RRAD: variants seen among roughly 807,000 people sequenced by gnomAD.
RRAD encodes the protein GTP-binding protein RAD.
RRAD carries 15 observed loss-of-function variants against 24.7 expected under a neutral mutation model. The observed-to-expected ratio is 0.61, with a 90% CI of 0.41 to 0.93. The LOEUF (loss-of-function observed/expected upper bound fraction) is 0.93, where lower values mean the gene tolerates loss of function less well. RRAD is among the 40% of genes least tolerant of loss of function. RRAD has a pLI of 0.00. For missense variants in RRAD, 438 were observed against 452.2 expected (o/e 0.97, Z 0.29); for synonymous variants, 180 against 189.8 (o/e 0.95, Z 0.43).
intron 4 of RRAD, 139 bp from the exon 5 acceptor site, chr16:66,922,492 T>A: frequency 1.2e-6 from 1 of 843,472 alleles, no homozygotes; most frequent in Non-Finnish European, 1.8e-6. Context: ...CCCCAGCTCC[T>A]GTACTGAGGG....
In RRAD at chr16:66,923,518, T is replaced by C; in HGVS notation, c.647A>G (p.Asp216Gly). 6.2e-7 allele frequency: 1 copy of C among 1,600,318 alleles called. No individual in the cohort carries two copies. Among genetic ancestry groups the C allele is most frequent in the Non-Finnish European group, 8.5e-7 (1 of 1,176,738 alleles). ...DLVRSREVSV[D>G]EGRACAVVFD... ...CCTGCAACCTGCCGCCTACTCACCA[T>C]CCACCGAGACCTCACGAGAGCGCAC... Residue 216 changes from aspartate (D) to glycine (G), a missense_variant and splice_region_variant, in exon 4 of 5, where the codon GAT (aspartate) becomes GGT (glycine). By Grantham distance (94) the Asp-to-Gly change is moderately conservative. Transcript: ENST00000299759. This position sits in a 1 kb window ranked among gnomAD's most constrained non-coding sequence, Gnocchi z 4.9.
In RRAD at chr16:66,923,455, G is replaced by C; in HGVS notation, c.649+61C>G. The C allele has an allele frequency of 2.9e-6, 4 of 1,396,694 alleles. No homozygotes were observed. The highest frequency in any genetic ancestry group is 1.8e-5 in the Admixed American group (1 of 54,078). The allele number at this position is 1,396,694 out of a possible 1,614,324, so 86.5% of individuals were successfully genotyped here. Reference sequence around the variant, plus strand: ...TCCCCAGGGACTCAAGCTGAGCCAAGACTGCCTGGATCAGGGCCCAGCTGG... The same window carrying C: ...TCCCCAGGGACTCAAGCTGAGCCAACACTGCCTGGATCAGGGCCCAGCTGG... On this transcript the variant is annotated intron_variant, in intron 4 of 4. Coordinates refer to ENST00000299759, the MANE Select transcript of RRAD (RefSeq NM_004165.3). This position sits in a 1 kb window ranked among gnomAD's most constrained non-coding sequence, Gnocchi z 4.9.
In RRAD at chr16:66,925,114, G is replaced by A; in HGVS notation, c.66C>T (p.Arg22=). ...GGCCCCAGGGTGTGCTGCCCCGACGGCGCTCGCGCTCCTGGCCCCCACCGC... is the reference window on the plus strand; with the variant it reads ...GGCCCCAGGGTGTGCTGCCCCGACGACGCTCGCGCTCCTGGCCCCCACCGC... ...GSRGGGQERE[R]RRGSTPWGPA... Residue 22 remains arginine, a synonymous_variant, in exon 2 of 5, where the codon CGC becomes CGT. Coordinates refer to ENST00000299759, the MANE Select transcript of RRAD (RefSeq NM_004165.3). This position sits in a 1 kb window ranked among gnomAD's most constrained non-coding sequence, Gnocchi z 5.2. The A allele has an allele frequency of 8.1e-7, 1 of 1,227,856 alleles. No homozygotes were observed. The highest frequency in any genetic ancestry group is 4.1e-5 in the South Asian group (1 of 24,500). 76.1% of individuals were successfully genotyped at this position (1,227,856 alleles called of 1,614,324 possible).
At position 66,925,336 on chromosome 16, in the gene RRAD, C is replaced by T. The variant is rs1370132954; in HGVS notation, c.-16+73G>A. 2.7e-6 allele frequency: 2 copies of T among 729,166 alleles called. No homozygotes were observed. Among genetic ancestry groups the T allele is most frequent in the Non-Finnish European group, 1.9e-6 (1 of 538,296 alleles). 45.2% of individuals were successfully genotyped at this position (729,166 alleles called of 1,614,324 possible). On this transcript the variant is annotated intron_variant, in intron 1 of 4. Coordinates refer to ENST00000299759, the MANE Select transcript of RRAD (RefSeq NM_004165.3). This position sits in a 1 kb window ranked among gnomAD's most constrained non-coding sequence, Gnocchi z 5.2. ...CCCCCAGCCCCCAGGTCGCGGCGCCCTCACCCGGGACCCCTCCGGACCTGG... is the reference window on the plus strand; with the variant it reads ...CCCCCAGCCCCCAGGTCGCGGCGCCTTCACCCGGGACCCCTCCGGACCTGG...
chr16:66,922,831 C>T (rs1276236991), intron 4 of RRAD, among the ~76,000 whole-genome samples: 1 of 152,054 alleles, frequency 6.6e-6, no homozygotes, highest in Admixed American at 6.5e-5. Flanking sequence ...TACAGGCGCC[C>T]GCCACCACGC....
Position 66,923,465 on chromosome 16 carries a change from A to T in RRAD, c.649+51T>A, listed in dbSNP as rs1962945662. On this transcript the variant is annotated intron_variant, in intron 4 of 4. Transcript: ENST00000299759. The surrounding 1 kb of genome is among the most constrained non-coding windows in gnomAD (Gnocchi z 4.9). ...CTCAAGCTGAGCCAAGACTGCCTGG[A>T]TCAGGGCCCAGCTGGGCTCTCCCTC... The T allele has an allele frequency of 6.8e-7, 1 of 1,467,590 alleles. No homozygotes were observed. Among genetic ancestry groups the T allele is most frequent in the Admixed American group, 1.8e-5 (1 of 56,724 alleles). 90.9% of individuals were successfully genotyped at this position (1,467,590 alleles called of 1,614,324 possible).
At chr16:66,922,496 CT>C in intron 4 of RRAD, 143 bp from the exon 5 acceptor site, 1 of 807,906 alleles carries the variant, frequency 1.2e-6, no homozygotes, top group East Asian at 2.7e-5. Flanking sequence ...AGCTCCTGTA[CT>C]GAGGGTACTG....
At position 66,925,403 on chromosome 16, in the gene RRAD, A is replaced by T; in HGVS notation, c.-16+6T>A. 1 of 355,226 alleles carries T rather than the reference A, an allele frequency of 2.8e-6. No individual in the cohort carries two copies. Among genetic ancestry groups the T allele is most frequent in the Non-Finnish European group, 5.0e-6 (1 of 200,344 alleles). The allele number at this position is 355,226 out of a possible 1,614,324, so 22.0% of individuals were successfully genotyped here. ...CGCCCCGACCCCGCTCCGCCAGGAC[A>T]CTCACCCACTCGCACACAGACACGC... On this transcript the variant is annotated splice_donor_region_variant and intron_variant, in intron 1 of 4. Transcript: ENST00000299759. This position sits in a 1 kb window ranked among gnomAD's most constrained non-coding sequence, Gnocchi z 5.2.
rs368384610 is a variant in RRAD, at chr16:66,922,085, C to A, written c.918G>T (p.Ser306=). The part of the protein sequence containing the change: ...RAKSKSCHDL[S]VL The stretch of plus-strand genomic sequence containing the variant: ...TGGGAGCGGGTGGGACCTAGAGAAC[C>A]GAGAGGTCGTGGCAGGACTTGGATT... Residue 306 remains serine (S), a synonymous_variant, in exon 5 of 5, where the codon TCG becomes TCT. Transcript: ENST00000299759. 6.8e-6 allele frequency: 11 copies of A among 1,605,960 alleles called. No individual in the cohort carries two copies.
In RRAD at chr16:66,923,481, G is replaced by C; in HGVS notation, c.649+35C>G. On this transcript the variant is annotated intron_variant, in intron 4 of 4. Coordinates refer to ENST00000299759, the MANE Select transcript of RRAD (RefSeq NM_004165.3). This position sits in a 1 kb window ranked among gnomAD's most constrained non-coding sequence, Gnocchi z 4.9. ...ACTGCCTGGATCAGGGCCCAGCTGG[G>C]CTCTCCCTCCCCCTGCAACCTGCCG... 6.4e-7 allele frequency: 1 copy of C among 1,556,016 alleles called. No homozygotes were observed. The highest frequency in any genetic ancestry group is 8.7e-7 in the Non-Finnish European group (1 of 1,144,210).
chr16:66,925,299 C>T lies in RRAD; in HGVS notation c.-15-105G>A. The stretch of plus-strand genomic sequence containing the variant: ...AGGCGGGATGCTCCGGCCGAGGTCC[C>T]GCCGCAGCCCTCCCCCAGCCCCCAG... On this transcript the variant is annotated intron_variant, in intron 1 of 4. Coordinates refer to ENST00000299759, the MANE Select transcript of RRAD (RefSeq NM_004165.3). This position sits in a 1 kb window ranked among gnomAD's most constrained non-coding sequence, Gnocchi z 5.2. 9.9e-7 allele frequency: 1 copy of T among 1,010,604 alleles called. No individual in the cohort carries two copies. The highest frequency in any genetic ancestry group is 1.3e-6 in the Non-Finnish European group (1 of 796,828). 62.6% of individuals were successfully genotyped at this position (1,010,604 alleles called of 1,614,324 possible).
Position 66,923,957 on chromosome 16 carries a change from G to A in RRAD, c.371-38C>T. On this transcript the variant is annotated intron_variant, in intron 2 of 4. Transcript: ENST00000299759. The surrounding 1 kb of genome is among the most constrained non-coding windows in gnomAD (Gnocchi z 4.9). ...CCAGTAGACAGGTTACCAGCTGGTT[G>A]TCAAAGCCGCTGCTGCCAGGTTTCC... 2 of 1,555,418 alleles carry A rather than the reference G, an allele frequency of 1.3e-6. No individual in the cohort carries two copies. The highest frequency in any genetic ancestry group is 1.8e-6 in the Non-Finnish European group (2 of 1,126,434).
rs916447707 is a variant in RRAD at position 66,922,196 on chromosome 16, C to A, written c.807G>T (p.Arg269=). 20 of 1,614,124 alleles carry A rather than the reference C, an allele frequency of 1.2e-5. No individual in the cohort carries two copies. The highest frequency in any genetic ancestry group is 1.7e-5 in the Non-Finnish European group (20 of 1,180,038). Residue 269 remains arginine (R), a synonymous_variant, in exon 5 of 5, where the codon CGG becomes CGT. Transcript: ENST00000299759. The part of the protein sequence containing the change: ...EANARRQAGT[R]RRESLGKKAK... The stretch of plus-strand genomic sequence containing the variant: ...CCTTTTTGCCAAGGCTCTCTCGCCT[C>A]CGGGTGCCTGCTTGCCGTCGTGCGT...
Position 66,923,620 on chromosome 16 carries a change from T to C in RRAD, c.545A>G (p.Glu182Gly). 1.2e-6 allele frequency: 2 copies of C among 1,613,984 alleles called. No individual in the cohort carries two copies. The highest frequency in any genetic ancestry group is 1.7e-6 in the Non-Finnish European group (2 of 1,180,010). Residue 182 changes from glutamate (E) to glycine (G), a missense_variant, in exon 4 of 5, where the codon GAA becomes GGA. Transcript: ENST00000299759. The surrounding 1 kb of genome is among the most constrained non-coding windows in gnomAD (Gnocchi z 4.9). ...TDKGSFEKAS[E>G]LRVQLRRARQ... ...TGCACGCCGCAGCTGGACCCGCAGT[T>C]CTGAGGCCTTCTCGAAGCTGCCCTT...
chr16:66,922,325 G>A lies in RRAD; in HGVS notation c.678C>T (p.Asp226=). ...DEGRACAVVF[D]CKFIETSAAL... The stretch of plus-strand genomic sequence containing the variant: ...CCGCTGATGTCTCAATGAACTTGCA[G>A]TCAAAGACCACCGCGCAGGCCCGGC... The change falls in exon 5 of 5, where the codon GAC becomes GAT. Residue 226 remains aspartate, a synonymous_variant. Transcript: ENST00000299759. 1 of 1,603,344 alleles carries A rather than the reference G, an allele frequency of 6.2e-7. No homozygotes were observed. The highest frequency in any genetic ancestry group is 1.1e-5 in the South Asian group (1 of 90,942).
chr16:66,922,769 G>A (rs1381943483), intron 4 of RRAD, among the ~76,000 whole-genome samples: 5 of 152,208 alleles, frequency 3.3e-5, no homozygotes, highest in East Asian at 3.9e-4. Context: ...TGAAAGCTCC[G>A]CCTCCCGGGT....
chr16:66,921,755 C>T lies in RRAD; in HGVS notation c.*321G>A. 3.2e-6 allele frequency: 1 copy of T among 310,598 alleles called. No homozygotes were observed. The highest frequency in any genetic ancestry group is 5.5e-5 in the East Asian group (1 of 18,224). 19.2% of individuals were successfully genotyped at this position (310,598 alleles called of 1,614,324 possible). On this transcript the variant is annotated 3_prime_UTR_variant, in exon 5 of 5. Transcript: ENST00000299759. ...AGCTACCGCACTGAAGAGCCTCCCT[C>T]CAGGGCAGGCACACCCGGGCTGTGA...
In RRAD at chr16:66,923,814, T is replaced by C. The variant is rs1962952421; in HGVS notation, c.444+32A>G. ...ACCTCTAACCCAACTCACTCCTCCC[T>C]CCCCTGCCCTGGGTCTCTGCTTGCA... On this transcript the variant is annotated intron_variant, in intron 3 of 4. Transcript: ENST00000299759. The surrounding 1 kb of genome is among the most constrained non-coding windows in gnomAD (Gnocchi z 4.9). 1 of 1,609,542 alleles carries C rather than the reference T, an allele frequency of 6.2e-7. No homozygotes were observed. The highest frequency in any genetic ancestry group is 8.5e-7 in the Non-Finnish European group (1 of 1,176,016).
chr16:66,921,921 T>C lies in RRAD; in HGVS notation c.*155A>G. On this transcript the variant is annotated 3_prime_UTR_variant, in exon 5 of 5. Transcript: ENST00000299759. ...TGAGAGCCACTTCGCAGGGCAGCAC[T>C]GTCTATCTGTCCATGACCATGAGGT... 4 of 646,458 alleles carry C rather than the reference T, an allele frequency of 6.2e-6. No individual in the cohort carries two copies. The highest frequency in any genetic ancestry group is 1.1e-5 in the Non-Finnish European group (4 of 378,798). 40.0% of individuals were successfully genotyped at this position (646,458 alleles called of 1,614,324 possible). A position where few individuals can be genotyped will look rare whatever the true frequency, so the allele number is the denominator to read the frequency against.
Sources: allele counts gnomAD v4.1 joint callset (sites outside exome capture counted in the v4.1 genomes callset), GRCh38; gene constraint gnomAD v4.1.1; non-coding constraint Gnocchi (gnomAD v3.1); transcripts MANE v1.5; gene names NCBI Gene and HGNC (gene_info 2026-07-23, HGNC 2026-07-21).